LINGO2: variants seen among roughly 807,000 people sequenced by gnomAD.
LINGO2 encodes leucine-rich repeat and immunoglobulin-like domain-containing nogo receptor-interacting protein 2.
A neutral mutation model predicts 30.6 loss-of-function variants in LINGO2; 14 were observed. The ratio of observed to expected loss-of-function variants is 0.46; its 90% CI spans 0.30 to 0.72. LINGO2 has a LOEUF of 0.72. LINGO2 is among the 30% of genes least tolerant of loss of function. LINGO2 has a pLI of 0.07. For synonymous variants in LINGO2, 317 were observed against 288.5 expected (o/e 1.10, Z -1.00); for missense variants, 729 against 751.7 (o/e 0.97, Z 0.35).
the LINGO2 span, among the ~76,000 whole-genome samples, chr9:29,080,161 G>A: frequency 6.6e-6 from 1 of 151,996 alleles, no homozygotes; most frequent in Non-Finnish European, 1.5e-5. Context: ...CTTCTTCCTG[G>A]TTTAGTCTTG....
the LINGO2 span, among the ~76,000 whole-genome samples, chr9:29,148,997 G>A: frequency 6.6e-6 from 1 of 152,084 alleles, no homozygotes; most frequent in Non-Finnish European, 1.5e-5. Flanking sequence ...CTCATCTAAT[G>A]TAAGAATTTC....
At chr9:28,343,580 A>C (rs1411074261) in intron 3 of LINGO2, among the ~76,000 whole-genome samples, 1 of 152,186 alleles carries the variant, frequency 6.6e-6, no homozygotes, top group Non-Finnish European at 1.5e-5. Context: ...ATTTAAACTC[A>C]GCTTTGAGAC....
intron 5 of LINGO2, among the ~76,000 whole-genome samples, chr9:27,955,614 T>C (rs1405569408): frequency 6.6e-6 from 1 of 152,194 alleles, no homozygotes. Context: ...TTGAGATTCA[T>C]GTTGTTGCAT....
At chr9:28,364,050 ATG>A (rs1224110267) in intron 3 of LINGO2, among the ~76,000 whole-genome samples, 1 of 151,880 alleles carries the variant, frequency 6.6e-6, no homozygotes, top group Non-Finnish European at 1.5e-5. Flanking sequence ...CCTGGTAGTC[ATG>A]TGAGTTACCA....
the LINGO2 span, among the ~76,000 whole-genome samples, chr9:28,918,667 T>G: frequency 6.6e-6 from 1 of 152,216 alleles, no homozygotes; most frequent in Non-Finnish European, 1.5e-5. Flanking sequence ...AACATCAGTG[T>G]CAATACACTT....
chr9:28,692,994 TGAC>T, the LINGO2 span, among the ~76,000 whole-genome samples: 1 of 152,152 alleles, frequency 6.6e-6, no homozygotes, highest in East Asian at 1.9e-4. Context: ...TATTTTTTGA[TGAC>T]GAGAATTCCT....
intron 4 of LINGO2, among the ~76,000 whole-genome samples, chr9:28,210,509 A>G (rs1207025405): frequency 6.6e-6 from 1 of 151,676 alleles, no homozygotes; most frequent in African/African-American, 2.4e-5. Context: ...GAGAGATGCC[A>G]ATAAATACTG....
chr9:28,920,937 A>G, the LINGO2 span, among the ~76,000 whole-genome samples: 1 of 152,314 alleles, frequency 6.6e-6, no homozygotes, highest in Admixed American at 6.5e-5. Context: ...TATGAAGATT[A>G]CAAATGGACA....
chr9:28,181,878 C>T (rs1430829355), intron 4 of LINGO2, among the ~76,000 whole-genome samples: 4 of 152,108 alleles, frequency 2.6e-5, no homozygotes, highest in African/African-American at 9.7e-5. Flanking sequence ...ATGAAAATGG[C>T]CATACCACCC....
At chr9:28,219,055 C>T (rs148644227) in intron 4 of LINGO2, among the ~76,000 whole-genome samples, 1 of 152,258 alleles carries the variant, frequency 6.6e-6, no homozygotes, top group African/African-American at 2.4e-5. Context: ...GGCAGTCACC[C>T]AGTTTTCAGG....
At chr9:28,550,569 C>T (rs755433428) in intron 1 of LINGO2, among the ~76,000 whole-genome samples, 2 of 151,588 alleles carry the variant, frequency 1.3e-5, no homozygotes, top group Non-Finnish European at 2.9e-5. Flanking sequence ...TGTCAGGGTG[C>T]CATTTCTCCT....
the LINGO2 span, among the ~76,000 whole-genome samples, chr9:28,861,016 ATATAT>A: frequency 4.7e-5 from 6 of 128,826 alleles, no homozygotes; most frequent in African/African-American, 8.8e-5. Flanking sequence ...ATATAATATA[ATATAT>A]TATATAATAC....
the LINGO2 span, among the ~76,000 whole-genome samples, chr9:28,919,074 C>T: frequency 6.6e-6 from 1 of 152,138 alleles, no homozygotes; most frequent in Admixed American, 6.6e-5. Context: ...GCAGACATTC[C>T]TTTGTTGCTT....
At chr9:29,135,246 T>C in the LINGO2 span, among the ~76,000 whole-genome samples, 1 of 151,584 alleles carries the variant, frequency 6.6e-6, no homozygotes, top group Non-Finnish European at 1.5e-5. Context: ...AATAAAAGCT[T>C]CCTCTCCACT....
chr9:28,905,320 T>G, the LINGO2 span, among the ~76,000 whole-genome samples: 1 of 149,820 alleles, frequency 6.7e-6, no homozygotes, highest in Admixed American at 6.6e-5. Flanking sequence ...CTAAAAAACT[T>G]CTAAACACCA....
chr9:29,179,182 T>C, the LINGO2 span, among the ~76,000 whole-genome samples: 4 of 138,850 alleles, frequency 2.9e-5, no homozygotes, highest in Admixed American at 2.2e-4. Flanking sequence ...TATATATATA[T>C]ATATATATAT....
the LINGO2 span, among the ~76,000 whole-genome samples, chr9:28,793,241 A>T: frequency 6.6e-6 from 1 of 152,134 alleles, no homozygotes; most frequent in Non-Finnish European, 1.5e-5. Context: ...AATATTTTTT[A>T]AATTTTTTTG....
the LINGO2 span, among the ~76,000 whole-genome samples, chr9:28,927,050 T>C: frequency 2.0e-5 from 3 of 152,246 alleles, no homozygotes; most frequent in Non-Finnish European, 4.4e-5. Flanking sequence ...TATATTTTAT[T>C]GTTGTTTAGT....
intron 1 of LINGO2, among the ~76,000 whole-genome samples, chr9:28,531,511 T>C (rs1303313534): frequency 1.3e-5 from 2 of 152,166 alleles, no homozygotes; most frequent in African/African-American, 4.8e-5. Flanking sequence ...AGAAGGTAAC[T>C]TGTGTGTACT....
Sources: gnomAD v4.1 joint callset for allele counts (sites outside exome capture counted in the v4.1 genomes callset) on GRCh38, gnomAD v4.1.1 for gene constraint, MANE v1.5 for transcripts, NCBI Gene and HGNC (gene_info 2026-07-23, HGNC 2026-07-21) for gene names.